The following LITAF variants were observed in gnomAD, a reference collection of about 807,000 sequenced individuals.
LITAF encodes lipopolysaccharide-induced tumor necrosis factor-alpha factor.
LITAF carries 9 observed loss-of-function variants against 14.5 expected under a neutral mutation model. The ratio of observed to expected loss-of-function variants is 0.62; its 90% CI spans 0.37 to 1.08. The LOEUF is 1.08. LITAF is among the 50% of genes least tolerant of loss of function. The pLI is 0.01. For synonymous variants in LITAF, 98 were observed against 88.2 expected, an observed-to-expected ratio of 1.11 and a Z score of -0.62; for missense variants, 206 against 213.4, an observed-to-expected ratio of 0.97 and a Z score of 0.22.
chr16:11,620,370 CTA>C (rs1464532251), intron 3 of LITAF, among the ~76,000 whole-genome samples: 3 of 152,048 alleles, frequency 2.0e-5, no homozygotes, highest in African/African-American at 7.2e-5. Context: ...CCTCCCAACA[CTA>C]TCTCTTGCTC....
In LITAF at chr16:11,549,814, C is replaced by A; in HGVS notation, c.378-69G>T. On this transcript the variant is annotated intron_variant, in intron 3 of 3. Transcript: ENST00000622633. The surrounding 1 kb of genome is among the most constrained non-coding windows in gnomAD (Gnocchi z 4.6). ...CAGGGTGAACACTGGCTGCCAAAAC[C>A]ATGTTCATGTCCTTCTTTGTAAAAA... 1 of 1,180,520 alleles carries A rather than the reference C, an allele frequency of 8.5e-7. No homozygotes were observed. Among genetic ancestry groups the A allele is most frequent in the South Asian group, 1.3e-5 (1 of 77,522 alleles). 73.1% of individuals were successfully genotyped at this position (1,180,520 alleles called of 1,614,324 possible). A position where few individuals can be genotyped will look rare whatever the true frequency, so the allele number is the denominator to read the frequency against.
At chr16:11,620,616 G>A (rs950094638) in intron 3 of LITAF, among the ~76,000 whole-genome samples, 1 of 152,190 alleles carries the variant, frequency 6.6e-6, no homozygotes, top group Non-Finnish European at 1.5e-5. Flanking sequence ...TTACAGACGT[G>A]AGCCACTGTG....
chr16:11,637,656 A>T (rs1470706969), upstream of LITAF, among the ~76,000 whole-genome samples: 2 of 151,992 alleles, frequency 1.3e-5, no homozygotes, highest in Non-Finnish European at 2.9e-5. Flanking sequence ...CTGAGGTGGG[A>T]GGATCACTTG....
intron 1 of LITAF, among the ~76,000 whole-genome samples, chr16:11,564,745 G>A (rs1365928088): frequency 2.0e-5 from 3 of 152,052 alleles, no homozygotes; most frequent in Admixed American, 6.6e-5. Context: ...TTTTATCACT[G>A]ATCATTCCGG....
rs988275712 is a variant in LITAF at position 11,632,813 on chromosome 16, C to A, written c.85+720G>T. ...GCACGGGTCAGAGTTTTCCGTGTGC[C>A]GCCTCCTCGTCCTTCTTCTTCTGCC... On this transcript the variant is annotated intron_variant, in intron 3 of 3. Coordinates refer to the LITAF transcript ENST00000574848. The surrounding 1 kb of genome is among the most constrained non-coding windows in gnomAD (Gnocchi z 4.8). Among the ~76,000 whole-genome samples, 2 of 151,762 alleles carry A rather than the reference C, an allele frequency of 1.3e-5. No homozygotes were observed. Among genetic ancestry groups the A allele is most frequent in the Non-Finnish European group, 2.9e-5 (2 of 68,026 alleles).
chr16:11,637,906 A>AAC (rs1440459548), upstream of LITAF, among the ~76,000 whole-genome samples: 931 of 63,218 alleles, frequency 0.015, 96 homozygotes, highest in African/African-American at 0.021. Context: ...AACTATATAT[A>AAC]TATATATCTA....
upstream of LITAF, among the ~76,000 whole-genome samples, chr16:11,638,558 G>A (rs141140788): frequency 7.8e-4 from 118 of 151,632 alleles, no homozygotes; most frequent in East Asian, 1.9e-3. Context: ...AAAATTAGCC[G>A]GGCGTGGTGG....
rs1208991123 is a variant in LITAF, at chr16:11,631,878, T to C, written c.85+1655A>G. On this transcript the variant is annotated intron_variant, in intron 3 of 3. Coordinates refer to the LITAF transcript ENST00000574848. The stretch of plus-strand genomic sequence containing the variant: ...CTTTTTTTTTTTTTTTGAGACGGAG[T>C]CTTGCTCTGTCTACAGGCTGGAGTG... 4.2e-5 allele frequency among the ~76,000 whole-genome samples: 6 copies of C among 143,948 alleles called. No individual in the cohort carries two copies. In the South Asian group the frequency reaches 1.3e-3, roughly 32 times the overall value. 94.4% of individuals were successfully genotyped at this position (143,948 alleles called of 152,430 possible).
chr16:11,618,667 C>T (rs748062868), intron 3 of LITAF, among the ~76,000 whole-genome samples: 1 of 152,146 alleles, frequency 6.6e-6, no homozygotes, highest in South Asian at 2.1e-4. Flanking sequence ...GGGGAGGGGG[C>T]GCTTCATAGA....
chr16:11,567,724 C>T (rs1057276678), intron 1 of LITAF, among the ~76,000 whole-genome samples: 5 of 152,166 alleles, frequency 3.3e-5, no homozygotes, highest in African/African-American at 1.2e-4. Flanking sequence ...GTGGCTCACG[C>T]CTGTAATCCC....
intron 3 of LITAF, among the ~76,000 whole-genome samples, chr16:11,619,254 T>A (rs986368883): frequency 6.6e-6 from 1 of 151,352 alleles, no homozygotes; most frequent in Non-Finnish European, 1.5e-5. Flanking sequence ...GAGGTTGCAG[T>A]GAGCCGAGAT....
At chr16:11,552,770 C>G in intron 3 of LITAF, among the ~76,000 whole-genome samples, 1 of 152,056 alleles carries the variant, frequency 6.6e-6, no homozygotes, top group East Asian at 1.9e-4. Context: ...GGGTGGGGGC[C>G]AGGGATGCTA....
intron 1 of LITAF, among the ~76,000 whole-genome samples, chr16:11,570,947 G>T (rs923936637): frequency 6.6e-6 from 1 of 151,938 alleles, no homozygotes; most frequent in Admixed American, 6.6e-5. Context: ...GAAGCTGTTG[G>T]CTTTGAAGGG....
At chr16:11,585,306 A>T (rs1483407794) in intron 1 of LITAF, among the ~76,000 whole-genome samples, 1 of 152,158 alleles carries the variant, frequency 6.6e-6, no homozygotes, top group Non-Finnish European at 1.5e-5. Context: ...CTGTGAAAAC[A>T]TTACAAGATA....
upstream of LITAF, among the ~76,000 whole-genome samples, chr16:11,638,933 T>G (rs1005829360): frequency 1.3e-5 from 2 of 152,082 alleles, no homozygotes; most frequent in Non-Finnish European, 2.9e-5. Context: ...TAAACTTTAG[T>G]TATTTAAACG....
rs2064302973 is a variant in LITAF, at chr16:11,558,096, C to T, written c.-5-1361G>A. 6.6e-6 allele frequency among the ~76,000 whole-genome samples: 1 copy of T among 152,160 alleles called. No individual in the cohort carries two copies. Among genetic ancestry groups the T allele is most frequent in the Non-Finnish European group, 1.5e-5 (1 of 68,022 alleles). ...AATGAGGCTCCGGGGCAGCGAGCCA[C>T]AACCACCACTCCCCTCTCCCGACAC... On this transcript the variant is annotated intron_variant, in intron 1 of 3. Coordinates refer to ENST00000622633, the MANE Select transcript of LITAF (RefSeq NM_001136472.2). This position sits in a 1 kb window ranked among gnomAD's most constrained non-coding sequence, Gnocchi z 4.1.
In LITAF at chr16:11,553,787, T is replaced by C. The variant is rs780213070; in HGVS notation, c.221-98A>G. The C allele has an allele frequency of 2.2e-6, 3 of 1,363,600 alleles. No homozygotes were observed. The highest frequency in any genetic ancestry group is 3.1e-6 in the Non-Finnish European group (3 of 969,002). 84.5% of individuals were successfully genotyped at this position (1,363,600 alleles called of 1,614,324 possible). On this transcript the variant is annotated intron_variant, in intron 2 of 3. Transcript: ENST00000622633. This position sits in a 1 kb window ranked among gnomAD's most constrained non-coding sequence, Gnocchi z 7.7. The stretch of plus-strand genomic sequence containing the variant: ...AGAGGAACGCAGGGATGCCAGCAAA[T>C]ATTATATTTGTACATTTGTGTTCAT...
Position 11,556,629 on chromosome 16 carries a change from G to T in LITAF, c.102C>A (p.Pro34=), listed in dbSNP as rs369748649. The T allele has an allele frequency of 3.7e-6, 6 of 1,614,204 alleles. No individual in the cohort carries two copies. The highest frequency in any genetic ancestry group is 5.1e-6 in the Non-Finnish European group (6 of 1,180,026). The change falls in exon 2 of 4, where the codon CCC becomes CCA. Residue 34 remains proline, a synonymous_variant. Coordinates refer to ENST00000622633, the MANE Select transcript of LITAF (RefSeq NM_001136472.2). ...GCCCAGGCATGGGAGCTGGAGGTGT[G>T]GGGTAATAACTGTTAACAGCCACTG... The part of the protein sequence containing the change: ...EETVAVNSYY[P]TPPAPMPGPT...
In LITAF at chr16:11,605,134, C is replaced by CCT. The variant is rs139959574; in HGVS notation, c.85+28397_85+28398dup. Among the ~76,000 whole-genome samples, 53 of 150,148 alleles carry CCT rather than the reference C, an allele frequency of 3.5e-4. No homozygotes were observed. The highest frequency in any genetic ancestry group is 6.6e-4 in the African/African-American group (27 of 41,082). ...TCCCAGGAACAGGAATGTGTCCTTTCCTCTCTCTCTCTCTCTCTCCACTGT... is the reference window on the plus strand; with the variant it reads ...TCCCAGGAACAGGAATGTGTCCTTTCCTCTCTCTCTCTCTCTCTCTCCACTGT... On this transcript the variant is annotated intron_variant, in intron 3 of 3. Transcript: ENST00000574848. The surrounding 1 kb of genome is among the most constrained non-coding windows in gnomAD (Gnocchi z 4.7).
Sources: gnomAD v4.1 joint callset for allele counts (sites outside exome capture counted in the v4.1 genomes callset) on GRCh38, gnomAD v4.1.1 for gene constraint, Gnocchi (gnomAD v3.1) non-coding constraint, MANE v1.5 for transcripts, NCBI Gene and HGNC (gene_info 2026-07-23, HGNC 2026-07-21) for gene names.